JAM3: variants seen among roughly 807,000 people sequenced by gnomAD.
The protein encoded by JAM3 is junctional adhesion molecule 3.
Under a neutral mutation model 39.4 loss-of-function variants are expected in JAM3, and 31 were observed. The ratio of observed to expected loss-of-function variants is 0.79; its 90% CI spans 0.59 to 1.06. The LOEUF (loss-of-function observed/expected upper bound fraction) is 1.06. Among genes scored for constraint, JAM3 ranks in the 50% least tolerant of loss-of-function variants. The pLI is 0.00. For missense variants in JAM3, 455 were observed against 391.4 expected (o/e 1.16, Z -1.37); for synonymous variants, 182 against 148.7 (o/e 1.22, Z -1.63).
chr11:134,128,640 G>A (rs545868878), intron 1 of JAM3, among the ~76,000 whole-genome samples: 1 of 152,056 alleles, frequency 6.6e-6, no homozygotes, highest in Non-Finnish European at 1.5e-5. Flanking sequence ...GTGTGCATGT[G>A]TGCTCTGTCT....
At chr11:134,105,230 T>C (rs1273173807) in intron 1 of JAM3, among the ~76,000 whole-genome samples, 1 of 152,184 alleles carries the variant, frequency 6.6e-6, no homozygotes, top group Non-Finnish European at 1.5e-5. Flanking sequence ...ATCCGGCATA[T>C]AAACAGAACC....
chr11:134,109,952 A>C (rs1221307857), intron 1 of JAM3, among the ~76,000 whole-genome samples: 1 of 152,078 alleles, frequency 6.6e-6, no homozygotes, highest in Non-Finnish European at 1.5e-5. Context: ...GGCAGAGTGA[A>C]GTGGGGTCTG....
At chr11:134,091,629 CAAAAA>C (rs5795871) in intron 1 of JAM3, among the ~76,000 whole-genome samples, 1 of 147,174 alleles carries the variant, frequency 6.8e-6, no homozygotes, top group Admixed American at 6.8e-5. Context: ...AACCCCGTGT[CAAAAA>C]AAAAAAAAAT....
In JAM3 at chr11:134,149,811, A is replaced by G; in HGVS notation, c.*630A>G. 2.6e-6 allele frequency: 1 copy of G among 380,828 alleles called. No individual in the cohort carries two copies. The highest frequency in any genetic ancestry group is 5.3e-6 in the Non-Finnish European group (1 of 188,904). 23.6% of individuals were successfully genotyped at this position (380,828 alleles called of 1,614,324 possible). A position where few individuals can be genotyped will look rare whatever the true frequency, so the allele number is the denominator to read the frequency against. On this transcript the variant is annotated 3_prime_UTR_variant, in exon 9 of 9. Coordinates refer to ENST00000299106, the MANE Select transcript of JAM3 (RefSeq NM_032801.5). Reference sequence around the variant, plus strand: ...CTGGAAGAGGGATCTTGCCTGAGGAACCCTGCTTGTCCAACAGGGTGTCAG... The same window carrying G: ...CTGGAAGAGGGATCTTGCCTGAGGAGCCCTGCTTGTCCAACAGGGTGTCAG...
intron 1 of JAM3, among the ~76,000 whole-genome samples, chr11:134,077,471 C>T (rs1941589489): frequency 1.3e-5 from 2 of 150,320 alleles, no homozygotes; most frequent in East Asian, 2.0e-4. Context: ...TCAAGTGATT[C>T]TCCTGCTTCA....
At chr11:134,073,094 G>T (rs1453744725) in intron 1 of JAM3, among the ~76,000 whole-genome samples, 1 of 152,188 alleles carries the variant, frequency 6.6e-6, no homozygotes, top group Non-Finnish European at 1.5e-5. Context: ...ACCTAGTTTA[G>T]CAAGGACAGT....
chr11:134,148,552 C>G lies in JAM3; in HGVS notation c.718C>G (p.Leu240Val). ...CCAAACCTCCTTTTCTTCAGATGAC[C>G]TGAACATTGGCGGAATTATTGGGGG... ...CEEQEMEVYD[L>V]NIGGIIGGVL... The change falls in exon 7 of 9, where the codon CTG (leucine) becomes GTG (valine). Residue 240 changes from leucine (L) to valine (V), a missense_variant. Coordinates refer to ENST00000299106, the MANE Select transcript of JAM3 (RefSeq NM_032801.5). 9.3e-6 allele frequency: 15 copies of G among 1,614,126 alleles called. No homozygotes were observed. Among genetic ancestry groups the G allele is most frequent in the Non-Finnish European group, 1.2e-5 (14 of 1,180,038 alleles).
intron 1 of JAM3, among the ~76,000 whole-genome samples, chr11:134,117,134 G>T (rs1195997620): frequency 1.3e-5 from 2 of 152,056 alleles, no homozygotes; most frequent in African/African-American, 2.4e-5. Context: ...GGCTGAGGTG[G>T]GTGGATCATC....
At chr11:134,125,730 G>C (rs1591797171) in intron 1 of JAM3, among the ~76,000 whole-genome samples, 1 of 152,188 alleles carries the variant, frequency 6.6e-6, no homozygotes, top group African/African-American at 2.4e-5. Flanking sequence ...TGTACAGCTC[G>C]TTCAAGTCCC....
intron 1 of JAM3, among the ~76,000 whole-genome samples, chr11:134,111,313 T>A (rs1284978040): frequency 6.6e-6 from 1 of 151,896 alleles, no homozygotes; most frequent in African/African-American, 2.4e-5. Context: ...TGCTAATTTT[T>A]TTTGTTTTTT....
At position 134,149,387 on chromosome 11, in the gene JAM3, A is replaced by G. The variant is rs1173912723; in HGVS notation, c.*206A>G. 1 of 645,202 alleles carries G rather than the reference A, an allele frequency of 1.5e-6. No homozygotes were observed. The highest frequency in any genetic ancestry group is 1.8e-5 in the African/African-American group (1 of 55,270). 40.0% of individuals were successfully genotyped at this position (645,202 alleles called of 1,614,324 possible). On this transcript the variant is annotated 3_prime_UTR_variant, in exon 9 of 9. Transcript: ENST00000299106. ...ATTTTCCTCAAGATGGACCCGGTAA[A>G]TATAACCACAAGGAAGCGAAACTGG...
At chr11:134,135,592 C>T (rs887336583) in intron 1 of JAM3, among the ~76,000 whole-genome samples, 2 of 150,040 alleles carry the variant, frequency 1.3e-5, no homozygotes, top group African/African-American at 4.9e-5. Flanking sequence ...AGCTGGAGTG[C>T]AGTGGCCTGA....
chr11:134,091,643 A>AT (rs397942009), intron 1 of JAM3, among the ~76,000 whole-genome samples: 21 of 146,414 alleles, frequency 1.4e-4, no homozygotes, highest in African/African-American at 5.2e-4. Flanking sequence ...AAAAAAAAAA[A>AT]TTGTTGTCAT....
intron 1 of JAM3, among the ~76,000 whole-genome samples, chr11:134,104,541 A>C (rs1942143132): frequency 6.6e-6 from 1 of 152,104 alleles, no homozygotes; most frequent in African/African-American, 2.4e-5. Flanking sequence ...GATACAAAAA[A>C]CCCTTCAAAA....
chr11:134,109,232 G>T (rs566546552), intron 1 of JAM3, among the ~76,000 whole-genome samples: 2 of 151,982 alleles, frequency 1.3e-5, no homozygotes, highest in African/African-American at 4.8e-5. Context: ...AAAGTGCTGG[G>T]ATTACAGGCG....
chr11:134,099,677 G>T (rs1475600200), intron 1 of JAM3, among the ~76,000 whole-genome samples: 1 of 152,136 alleles, frequency 6.6e-6, no homozygotes, highest in Non-Finnish European at 1.5e-5. Flanking sequence ...TGCGATCTTG[G>T]GTCACTGCAA....
chr11:134,144,954 G>C lies in JAM3; in HGVS notation c.572G>C (p.Arg191Pro). The C allele has an allele frequency of 1.9e-6, 3 of 1,614,134 alleles. No homozygotes were observed. The highest frequency in any genetic ancestry group is 2.5e-6 in the Non-Finnish European group (3 of 1,180,020). Reference sequence around the variant, plus strand: ...GATTCCAGAGCCAATCCCAGATTTCGCAATTCTTCTTTCCACTTAAACTCT... The same window carrying C: ...GATTCCAGAGCCAATCCCAGATTTCCCAATTCTTCTTTCCACTTAAACTCT... ...PTDSRANPRF[R>P]NSSFHLNSET... Residue 191 changes from arginine (R) to proline (P), a missense_variant, in exon 5 of 9, where the codon CGC (arginine) becomes CCC (proline). Arg to Pro is a moderately radical substitution (Grantham distance 103). Coordinates refer to ENST00000299106, the MANE Select transcript of JAM3 (RefSeq NM_032801.5).
intron 1 of JAM3, among the ~76,000 whole-genome samples, chr11:134,130,413 G>A (rs553403216): frequency 6.6e-6 from 1 of 152,054 alleles, no homozygotes; most frequent in African/African-American, 2.4e-5. Flanking sequence ...ATTATGGTTG[G>A]GAATCAGATA....
At chr11:134,076,144 TTTC>T (rs1416294529) in intron 1 of JAM3, among the ~76,000 whole-genome samples, 3 of 119,262 alleles carry the variant, frequency 2.5e-5, no homozygotes. Flanking sequence ...TTTCTTTTCT[TTTC>T]TTTCTTTTTT....
Sources: gnomAD v4.1 joint callset for allele counts (sites outside exome capture counted in the v4.1 genomes callset) on GRCh38, gnomAD v4.1.1 for gene constraint, MANE v1.5 for transcripts, NCBI Gene and HGNC (gene_info 2026-07-23, HGNC 2026-07-21) for gene names.